The following SKAP2 variants were observed in gnomAD, a reference collection of about 807,000 sequenced individuals.
SKAP2 encodes src kinase-associated phosphoprotein 2.
A neutral mutation model predicts 54.9 loss-of-function variants in SKAP2; 28 were observed. The ratio of observed to expected loss-of-function variants is 0.51; its 90% confidence interval spans 0.38 to 0.70. The LOEUF (loss-of-function observed/expected upper bound fraction) is 0.70, where lower values mean the gene tolerates loss of function less well. Ranked by LOEUF, SKAP2 falls within the 30% of genes least tolerant of loss-of-function variation. The probability of loss-of-function intolerance (pLI) is 0.00; values close to 1 mark genes in which losing one functional copy is unlikely to be tolerated. For synonymous variants in SKAP2, 137 were observed against 134.3 expected (o/e 1.02, Z -0.14); for missense variants, 356 against 424.1 (o/e 0.84, Z 1.41).
At chr7:26,862,287 C>T (rs1785286786) in intron 1 of SKAP2, among the ~76,000 whole-genome samples, 1 of 151,960 alleles carries the variant, frequency 6.6e-6, no homozygotes, top group African/African-American at 2.4e-5. Context: ...TACAGTCAAA[C>T]ATAAAATGTT....
At chr7:26,662,265 A>AT (rs142325934), downstream of SKAP2, among the ~76,000 whole-genome samples, 1 of 152,108 alleles carries the variant, frequency 6.6e-6, no homozygotes, top group Non-Finnish European at 1.5e-5. Context: ...GCATTTTGGA[A>AT]TTTTTTTAAA....
intron 4 of SKAP2, among the ~76,000 whole-genome samples, chr7:26,762,561 G>A (rs1168167515): frequency 6.6e-6 from 1 of 152,066 alleles, no homozygotes; most frequent in Non-Finnish European, 1.5e-5. Context: ...TGCCCAGCTA[G>A]GCGCGGTGGC....
chr7:26,817,724 GCA>G (rs1394313244), intron 4 of SKAP2, among the ~76,000 whole-genome samples: 2 of 152,100 alleles, frequency 1.3e-5, no homozygotes, highest in East Asian at 1.9e-4. Context: ...AAGCTGATAA[GCA>G]ACTTCAGCAA....
At chr7:26,776,401 A>G (rs1783308457) in intron 4 of SKAP2, among the ~76,000 whole-genome samples, 2 of 152,156 alleles carry the variant, frequency 1.3e-5, no homozygotes, top group South Asian at 4.1e-4. Context: ...TTTATCTTCT[A>G]AATTTAATGT....
At chr7:26,741,479 C>T (rs1355930191) in intron 4 of SKAP2, among the ~76,000 whole-genome samples, 1 of 150,228 alleles carries the variant, frequency 6.7e-6, no homozygotes, top group Non-Finnish European at 1.5e-5. Flanking sequence ...GTCAAGGCTG[C>T]AGTGAGCCAT....
At chr7:26,851,255 CAAAA>C (rs35007326) in intron 3 of SKAP2, among the ~76,000 whole-genome samples, 2 of 99,336 alleles carry the variant, frequency 2.0e-5, no homozygotes, top group Admixed American at 1.0e-4. Context: ...CCGTTTTTAC[CAAAA>C]AAAAAAAAAA....
intron 4 of SKAP2, among the ~76,000 whole-genome samples, chr7:26,781,748 T>A (rs1783430302): frequency 6.6e-6 from 1 of 152,148 alleles, no homozygotes; most frequent in Admixed American, 6.6e-5. Context: ...TCCTAAGGAT[T>A]GCCATCACTT....
At chr7:26,689,186 G>A (rs748664984) in intron 10 of SKAP2, among the ~76,000 whole-genome samples, 3 of 152,064 alleles carry the variant, frequency 2.0e-5, no homozygotes, top group African/African-American at 7.2e-5. Flanking sequence ...TTGTCCACCC[G>A]GCCTTGACAG....
chr7:26,809,646 C>G (rs1490138425), intron 4 of SKAP2, among the ~76,000 whole-genome samples: 1 of 152,136 alleles, frequency 6.6e-6, no homozygotes, highest in Non-Finnish European at 1.5e-5. Flanking sequence ...GCCTTGTATA[C>G]TGTTTGTGGG....
At chr7:26,698,424 G>A (rs920700882) in intron 9 of SKAP2, among the ~76,000 whole-genome samples, 4 of 152,180 alleles carry the variant, frequency 2.6e-5, no homozygotes, top group African/African-American at 9.7e-5. Flanking sequence ...TGATGTTGCA[G>A]AGCAATGATG....
At chr7:26,751,128 G>A (rs1782672983) in intron 4 of SKAP2, among the ~76,000 whole-genome samples, 1 of 152,070 alleles carries the variant, frequency 6.6e-6, no homozygotes, top group Non-Finnish European at 1.5e-5. Flanking sequence ...AATATGCAGA[G>A]TTATAATGTC....
At chr7:26,710,753 T>C (rs1411136614) in intron 9 of SKAP2, among the ~76,000 whole-genome samples, 7 of 152,168 alleles carry the variant, frequency 4.6e-5, no homozygotes, top group Non-Finnish European at 7.4e-5. Flanking sequence ...AGCAGAAAGA[T>C]AGGACTTAAG....
At chr7:26,734,830 C>A (rs946051925) in intron 6 of SKAP2, among the ~76,000 whole-genome samples, 2 of 152,128 alleles carry the variant, frequency 1.3e-5, no homozygotes, top group African/African-American at 4.8e-5. Context: ...AATCACCTCC[C>A]AAAAGCCCCA....
At position 26,708,962 on chromosome 7, in the gene SKAP2, ATTCT is replaced by A. The variant is rs1262977443; in HGVS notation, c.796+16462_796+16465del. On this transcript the variant is annotated intron_variant, in intron 9 of 12. Transcript: ENST00000345317. ...CATTTCATGTTTCATTTTCTTTAGT[ATTCT>A]TTTTCAGTTGATTTATTAGAATATT... Among the ~76,000 whole-genome samples, 6 of 152,244 alleles carry A rather than the reference ATTCT, an allele frequency of 3.9e-5. No individual in the cohort carries two copies. In the South Asian group the frequency reaches 8.3e-4, roughly 21 times the overall value.
At chr7:26,841,588 G>A (rs911300424) in intron 4 of SKAP2, among the ~76,000 whole-genome samples, 3 of 151,988 alleles carry the variant, frequency 2.0e-5, no homozygotes, top group South Asian at 2.1e-4. Flanking sequence ...AAACCATAAA[G>A]AAACCAAAAC....
chr7:26,775,716 A>C (rs1783292168), intron 4 of SKAP2, among the ~76,000 whole-genome samples: 1 of 152,128 alleles, frequency 6.6e-6, no homozygotes, highest in African/African-American at 2.4e-5. Flanking sequence ...AAATTCTGGC[A>C]ACCACTCTGT....
chr7:26,783,990 T>A (rs1041831658), intron 4 of SKAP2, among the ~76,000 whole-genome samples: 1 of 150,240 alleles, frequency 6.7e-6, no homozygotes, highest in Non-Finnish European at 1.5e-5. Context: ...AAAAAAGAAA[T>A]CTTATCTGAA....
downstream of SKAP2, among the ~76,000 whole-genome samples, chr7:26,664,916 T>C (rs1459884559): frequency 6.6e-6 from 1 of 152,116 alleles, no homozygotes; most frequent in African/African-American, 2.4e-5. Context: ...AACTGAGCAG[T>C]GGTATGACTA....
intron 4 of SKAP2, among the ~76,000 whole-genome samples, chr7:26,834,583 T>A (rs937687459): frequency 6.6e-6 from 1 of 152,138 alleles, no homozygotes; most frequent in Non-Finnish European, 1.5e-5. Context: ...GCAAATAAAC[T>A]AGAAAATCTA....
Sources: allele counts gnomAD v4.1 joint callset (sites outside exome capture counted in the v4.1 genomes callset), GRCh38; gene constraint gnomAD v4.1.1; transcripts MANE v1.5; gene names NCBI Gene and HGNC (gene_info 2026-07-23, HGNC 2026-07-21).